TRPM3: variants seen among roughly 807,000 people sequenced by gnomAD.
The protein encoded by TRPM3 is transient receptor potential cation channel subfamily M member 3.
Under a neutral mutation model 181.2 loss-of-function variants are expected in TRPM3, and 77 were observed. The observed-to-expected ratio is 0.42, with a 90% CI of 0.35 to 0.51. TRPM3 has a LOEUF of 0.51. Ranked by LOEUF, TRPM3 falls within the 20% of genes least tolerant of loss-of-function variation. The pLI is 0.01. For missense variants in TRPM3, 1,759 were observed against 2,196.7 expected (o/e 0.80, Z 3.98); for synonymous variants, 745 against 796.4 (o/e 0.94, Z 1.09).
Position 70,635,176 on chromosome 9 carries a change from C to T in TRPM3, c.1632+35G>A, listed in dbSNP as rs754251014. The T allele has an allele frequency of 3.7e-6, 6 of 1,606,096 alleles. No homozygotes were observed. The Admixed American group carries it at 1.0e-4, about 27-fold the overall frequency. ...CTCTAATCACAGGAAGCAGTCAAGA[C>T]AGGGCCTCCGACCTGCAGTCGAGAG... is the stretch of plus-strand genomic sequence containing the variant. On this transcript the variant is annotated intron_variant, in intron 12 of 25. Coordinates refer to ENST00000677713, the MANE Select transcript of TRPM3 (RefSeq NM_001366145.2).
chr9:70,698,027 G>A (rs979760143), intron 8 of TRPM3, among the ~76,000 whole-genome samples: 2 of 152,028 alleles, frequency 1.3e-5, no homozygotes, highest in Admixed American at 6.5e-5. Flanking sequence ...AGCCAACATG[G>A]TGAAACCCCG....
At chr9:71,296,981 A>ATCTTT in intron 1 of TRPM3, among the ~76,000 whole-genome samples, 1 of 141,456 alleles carries the variant, frequency 7.1e-6, no homozygotes, top group African/African-American at 2.8e-5. Context: ...TGGGATGTGA[A>ATCTTT]TCTTTTCTTT....
chr9:70,946,309 GT>G (rs1051541979), intron 1 of TRPM3, among the ~76,000 whole-genome samples: 3 of 151,986 alleles, frequency 2.0e-5, no homozygotes, highest in African/African-American at 7.3e-5. Flanking sequence ...GAAGCAGCAT[GT>G]TATACTGGTT....
intron 1 of TRPM3, among the ~76,000 whole-genome samples, chr9:71,401,410 CATGCAG>C (rs958378632): frequency 6.6e-6 from 1 of 151,976 alleles, no homozygotes; most frequent in African/African-American, 2.4e-5. Context: ...TGGAGGAGGG[CATGCAG>C]ATGAAGAACA....
intron 25 of TRPM3, among the ~76,000 whole-genome samples, chr9:70,548,608 AT>A (rs1275554999): frequency 2.0e-5 from 3 of 152,180 alleles, no homozygotes; most frequent in African/African-American, 7.2e-5. Flanking sequence ...ACTATTTCTA[AT>A]TTGCTTCTGC....
At chr9:71,369,329 A>C (rs1291926305) in intron 1 of TRPM3, among the ~76,000 whole-genome samples, 1 of 152,216 alleles carries the variant, frequency 6.6e-6, no homozygotes, top group Non-Finnish European at 1.5e-5. Context: ...CATGTATTAA[A>C]AAATCAGAGG....
rs2093725275 is a variant in TRPM3 at position 71,420,727 on chromosome 9, G to GAGAGAGAGAAAGAAAGAGAGAGAA, written c.183+25925_183+25926insTTCTCTCTCTTTCTTTCTCTCTCT. 7.9e-4 allele frequency among the ~76,000 whole-genome samples: 36 copies of GAGAGAGAGAAAGAAAGAGAGAGAA among 45,320 alleles called. 2 individuals carry two copies. The highest frequency in any genetic ancestry group is 1.4e-3 in the Non-Finnish European group (34 of 24,366). 29.7% of individuals were successfully genotyped at this position (45,320 alleles called of 152,430 possible). ...AGAGAGAAAGAAAGAGAGAAAGAGA[G>GAGAGAGAGAAAGAAAGAGAGAGAA]AGAGAGAGAAAGAGAGAGAAAGAGA... On this transcript the variant is annotated intron_variant, in intron 1 of 24. Transcript: ENST00000357533.
chr9:71,004,112 G>C (rs1341712834), intron 1 of TRPM3, among the ~76,000 whole-genome samples: 3 of 152,232 alleles, frequency 2.0e-5, no homozygotes, highest in African/African-American at 7.2e-5. Flanking sequence ...CAGGGGTGCT[G>C]ATTGCAGTAA....
At chr9:71,285,969 T>G (rs1043690304) in intron 1 of TRPM3, among the ~76,000 whole-genome samples, 4 of 152,216 alleles carry the variant, frequency 2.6e-5, no homozygotes, top group African/African-American at 9.6e-5. Flanking sequence ...TCTATAACTT[T>G]CCTTCAAATC....
At chr9:71,300,446 G>C (rs1195278797) in intron 1 of TRPM3, among the ~76,000 whole-genome samples, 1 of 151,884 alleles carries the variant, frequency 6.6e-6, no homozygotes, top group Admixed American at 6.6e-5. Context: ...ATTCTATTTT[G>C]TCAAAATGTA....
intron 1 of TRPM3, among the ~76,000 whole-genome samples, chr9:71,032,278 T>C (rs544034053): frequency 2.3e-4 from 33 of 142,388 alleles, no homozygotes; most frequent in Non-Finnish European, 4.3e-4. Context: ...AAGAGGCTAG[T>C]CATTCTAAAT....
At chr9:71,246,369 T>C (rs562474766) in intron 1 of TRPM3, among the ~76,000 whole-genome samples, 2 of 152,232 alleles carry the variant, frequency 1.3e-5, no homozygotes, top group South Asian at 4.1e-4. Context: ...ATGGACAAAA[T>C]CAATGAAATC....
intron 1 of TRPM3, among the ~76,000 whole-genome samples, chr9:71,291,471 A>G (rs2085805426): frequency 6.6e-6 from 1 of 152,138 alleles, no homozygotes; most frequent in East Asian, 1.9e-4. Context: ...ATAAAAGCCA[A>G]TTAGATCTTT....
intron 1 of TRPM3, among the ~76,000 whole-genome samples, chr9:71,291,143 C>T (rs1425562395): frequency 3.3e-5 from 5 of 152,118 alleles, no homozygotes; most frequent in Non-Finnish European, 7.4e-5. Flanking sequence ...CCTCAGCAGA[C>T]CAAACCAAAA....
At chr9:70,641,591 A>C (rs558430449) in intron 9 of TRPM3, among the ~76,000 whole-genome samples, 1 of 152,320 alleles carries the variant, frequency 6.6e-6, no homozygotes, top group East Asian at 1.9e-4. Context: ...CAGGTGGCTA[A>C]GTTTAAATTA....
intron 6 of TRPM3, among the ~76,000 whole-genome samples, chr9:70,790,905 T>C (rs188058892): frequency 6.6e-6 from 1 of 152,308 alleles, no homozygotes; most frequent in East Asian, 1.9e-4. Context: ...TTTAATACAT[T>C]ATATTTTTGC....
At chr9:71,076,471 G>C (rs1373414323) in intron 1 of TRPM3, among the ~76,000 whole-genome samples, 1 of 152,126 alleles carries the variant, frequency 6.6e-6, no homozygotes. Context: ...GGAAAGGGAG[G>C]GCTGCCACGC....
At chr9:71,256,935 A>T (rs968871814) in intron 1 of TRPM3, among the ~76,000 whole-genome samples, 3 of 152,220 alleles carry the variant, frequency 2.0e-5, no homozygotes, top group African/African-American at 7.2e-5. Flanking sequence ...GAAAAGTTGC[A>T]TATTATAACG....
At chr9:70,663,962 A>G (rs2061465504) in intron 9 of TRPM3, among the ~76,000 whole-genome samples, 1 of 152,232 alleles carries the variant, frequency 6.6e-6, no homozygotes. Context: ...TAGTTTCTTC[A>G]TGAATAAAAT....
Sources: allele counts gnomAD v4.1 joint callset (sites outside exome capture counted in the v4.1 genomes callset), GRCh38; gene constraint gnomAD v4.1.1; transcripts MANE v1.5; gene names NCBI Gene and HGNC (gene_info 2026-07-23, HGNC 2026-07-21).